Variants in RBMS1 observed in about 807,000 individuals in gnomAD.
RBMS1 encodes RNA-binding motif, single-stranded-interacting protein 1.
A neutral mutation model predicts 62.3 loss-of-function variants in RBMS1; 17 were observed. The ratio of observed to expected loss-of-function variants is 0.27; its 90% CI spans 0.19 to 0.41. The LOEUF (loss-of-function observed/expected upper bound fraction) is 0.41. RBMS1 is among the 10% of genes least tolerant of loss of function. The probability of loss-of-function intolerance (pLI) is 1.00; values close to 1 mark genes in which losing one functional copy is unlikely to be tolerated. For missense variants in RBMS1, 334 were observed against 504.5 expected (o/e 0.66, Z 3.24); for synonymous variants, 172 against 170.0 (o/e 1.01, Z -0.09).
At chr2:160,356,807 T>G (rs62177307) in intron 2 of RBMS1, among the ~76,000 whole-genome samples, 11,853 of 152,106 alleles carry the variant, frequency 0.078, 652 homozygotes, top group South Asian at 0.19. Flanking sequence ...GACAGAAAAT[T>G]AGAGATGATA....
chr2:160,281,316 G>A lies in RBMS1; in HGVS notation c.949C>T (p.Pro317Ser). 1 of 1,599,648 alleles carries A rather than the reference G, an allele frequency of 6.3e-7. No individual in the cohort carries two copies. The highest frequency in any genetic ancestry group is 1.3e-5 in the African/African-American group (1 of 74,536). The change falls in exon 10 of 14, where the codon CCT becomes TCT. Residue 317 changes from proline (P) to serine (S), a missense_variant and splice_region_variant. Physicochemically the swap from Pro to Ser is moderately conservative, Grantham distance 74. Coordinates refer to ENST00000348849, the MANE Select transcript of RBMS1 (RefSeq NM_016836.4). ...AGTCATTAAGATAAAAAACTTACAG[G>A]GTGCTGTAGAATATATGGTTGAGGT... ...MQPQPYILQH[P>S]GAVLTPSMEH...
chr2:160,383,461 G>C (rs1351767010), intron 1 of RBMS1, among the ~76,000 whole-genome samples: 1 of 148,802 alleles, frequency 6.7e-6, no homozygotes, highest in Non-Finnish European at 1.5e-5. Flanking sequence ...ATTGGGGGGG[G>C]GGGAACTGAC....
intron 1 of RBMS1, chr2:160,407,524 G>T: frequency 1.0e-6 from 1 of 986,574 alleles, no homozygotes; most frequent in African/African-American, 1.7e-5. Context: ...TGCTGCTGGG[G>T]AAGATCATCG....
chr2:160,489,058 T>C (rs964793749), intron 1 of RBMS1, among the ~76,000 whole-genome samples: 6 of 152,234 alleles, frequency 3.9e-5, no homozygotes, highest in African/African-American at 1.2e-4. Context: ...AATACTTTCC[T>C]AGCTCACCTA....
chr2:160,435,064 A>T (rs1683057625), intron 1 of RBMS1, among the ~76,000 whole-genome samples: 1 of 152,120 alleles, frequency 6.6e-6, no homozygotes, highest in Non-Finnish European at 1.5e-5. Context: ...GTTCAACATG[A>T]CCCCAACTTT....
Position 160,311,240 on chromosome 2 carries a change from A to ATATC in RBMS1, c.402+1915_402+1916insGATA, listed in dbSNP as rs1553505461. Among the ~76,000 whole-genome samples, 4 of 91,482 alleles carry ATATC rather than the reference A, an allele frequency of 4.4e-5. 1 individual carries two copies. The highest frequency in any genetic ancestry group is 1.1e-3 in the East Asian group (2 of 1,888). 60.0% of individuals were successfully genotyped at this position (91,482 alleles called of 152,430 possible). A position where few individuals can be genotyped will look rare whatever the true frequency, so the allele number is the denominator to read the frequency against. ...TCTATCTATCTATCTATCTATATAT[A>ATATC]TATATATATATATATATAGTCTGTT... On this transcript the variant is annotated intron_variant, in intron 4 of 13. Coordinates refer to ENST00000348849, the MANE Select transcript of RBMS1 (RefSeq NM_016836.4).
chr2:160,281,460 A>G, intron 9 of RBMS1, 96 bp from the exon 10 acceptor site: 1 of 1,051,790 alleles, frequency 9.5e-7, no homozygotes. Context: ...AAATCTACAG[A>G]AAGAAAACAA....
chr2:160,435,999 A>G (rs768617960), intron 1 of RBMS1, among the ~76,000 whole-genome samples: 3 of 152,204 alleles, frequency 2.0e-5, no homozygotes, highest in African/African-American at 4.8e-5. Context: ...ATTATCAATA[A>G]AGGTTTCATG....
chr2:160,480,861 C>G (rs1685336246), intron 1 of RBMS1, among the ~76,000 whole-genome samples: 1 of 151,910 alleles, frequency 6.6e-6, no homozygotes, highest in Admixed American at 6.6e-5. Context: ...GACGGATCAC[C>G]TGGGGCCAGG....
chr2:160,356,825 T>C (rs935387957), intron 2 of RBMS1, among the ~76,000 whole-genome samples: 2 of 152,108 alleles, frequency 1.3e-5, no homozygotes, highest in Non-Finnish European at 1.5e-5. Context: ...ATAATTTTGC[T>C]CATAAAACTC....
chr2:160,372,127 A>G (rs147770590), intron 1 of RBMS1, among the ~76,000 whole-genome samples: 1,538 of 152,262 alleles, frequency 0.01, 32 homozygotes, highest in African/African-American at 0.033. Flanking sequence ...TCCTATTACT[A>G]ATAGGCTAAA....
intron 1 of RBMS1, among the ~76,000 whole-genome samples, chr2:160,457,212 C>T (rs988391398): frequency 6.6e-6 from 1 of 151,976 alleles, no homozygotes; most frequent in Non-Finnish European, 1.5e-5. Flanking sequence ...TTCACTGCAA[C>T]CTCCCCCTCC....
At chr2:160,410,221 CAAAAAAAAAAAAAAAAA>C (rs575199475) in intron 1 of RBMS1, among the ~76,000 whole-genome samples, 2,405 of 68,104 alleles carry the variant, frequency 0.035, 44 homozygotes, top group Middle Eastern at 0.17. Context: ...GACCCCGTCT[CAAAAAAAAAAAAAAAAA>C]AAAAAAAAAT....
chr2:160,306,468 A>G (rs1224075080), intron 4 of RBMS1, among the ~76,000 whole-genome samples: 9 of 152,138 alleles, frequency 5.9e-5, no homozygotes. Flanking sequence ...AGTATTTCCT[A>G]TGATGTGAAT....
At chr2:160,401,078 T>A (rs1695405785) in intron 1 of RBMS1, among the ~76,000 whole-genome samples, 1 of 152,080 alleles carries the variant, frequency 6.6e-6, no homozygotes, top group Non-Finnish European at 1.5e-5. Flanking sequence ...TTGAAAAAAA[T>A]GTAAAGGATC....
intron 1 of RBMS1, among the ~76,000 whole-genome samples, chr2:160,389,768 G>A (rs1694764268): frequency 7.3e-6 from 1 of 136,882 alleles, no homozygotes; most frequent in East Asian, 2.1e-4. Context: ...ATCACATAAT[G>A]AGGAATCCTT....
chr2:160,307,529 C>T (rs562211706), intron 4 of RBMS1, among the ~76,000 whole-genome samples: 30 of 152,132 alleles, frequency 2.0e-4, no homozygotes, highest in Non-Finnish European at 4.3e-4. Context: ...AGCTCGTTAT[C>T]TGCGTTTCTT....
intron 7 of RBMS1, among the ~76,000 whole-genome samples, chr2:160,286,439 C>T (rs1418086482): frequency 6.6e-6 from 1 of 151,480 alleles, no homozygotes; most frequent in East Asian, 2.0e-4. Flanking sequence ...CCTGCCTCAG[C>T]CTCCCAGGTA....
At chr2:160,343,394 G>A (rs1015999568) in intron 2 of RBMS1, among the ~76,000 whole-genome samples, 1 of 152,170 alleles carries the variant, frequency 6.6e-6, no homozygotes, top group Non-Finnish European at 1.5e-5. Flanking sequence ...CAGCAGCACT[G>A]AGCCACATTT....
Sources: allele counts gnomAD v4.1 joint callset (sites outside exome capture counted in the v4.1 genomes callset), GRCh38; gene constraint gnomAD v4.1.1; transcripts MANE v1.5; gene names NCBI Gene and HGNC (gene_info 2026-07-23, HGNC 2026-07-21).